ST3GAL3: variants seen among roughly 807,000 people sequenced by gnomAD.
ST3GAL3 encodes CMP-N-acetylneuraminate-beta-1,4-galactoside alpha-2,3-sialyltransferase.
A neutral mutation model predicts 50.1 loss-of-function variants in ST3GAL3; 21 were observed. The observed-to-expected ratio is 0.42, with a 90% CI of 0.30 to 0.60. ST3GAL3 has a LOEUF of 0.60. Ranked by LOEUF, ST3GAL3 falls within the 20% of genes least tolerant of loss-of-function variation. The probability of loss-of-function intolerance (pLI) is 0.19; values close to 1 mark genes in which losing one functional copy is unlikely to be tolerated. For missense variants in ST3GAL3, 353 were observed against 489.4 expected (o/e 0.72, Z 2.63); for synonymous variants, 183 against 190.0 (o/e 0.96, Z 0.30).
intron 1 of ST3GAL3, among the ~76,000 whole-genome samples, chr1:43,714,959 G>A (rs1666650776): frequency 6.6e-6 from 1 of 152,090 alleles, no homozygotes; most frequent in African/African-American, 2.4e-5. Flanking sequence ...GTCATCTACT[G>A]CCTTGGCCCA....
intron 2 of ST3GAL3, 123 bp downstream of exon 2, chr1:43,736,503 G>A: frequency 6.3e-7 from 1 of 1,582,260 alleles, no homozygotes; most frequent in Non-Finnish European, 8.7e-7. Flanking sequence ...AACATTTCTG[G>A]GACTTTGGCC....
At chr1:43,858,334 C>T in intron 5 of ST3GAL3, 1 of 1,250,456 alleles carries the variant, frequency 8.0e-7, no homozygotes, top group Non-Finnish European at 1.0e-6. Flanking sequence ...CAAGACCAGA[C>T]ACACTGGTGG....
intron 1 of ST3GAL3, among the ~76,000 whole-genome samples, chr1:43,710,073 C>T (rs1323507679): frequency 6.6e-6 from 1 of 152,046 alleles, no homozygotes; most frequent in African/African-American, 2.4e-5. Flanking sequence ...TACTTCCACA[C>T]TGTTTCTGGC....
chr1:43,850,570 T>A, intron 5 of ST3GAL3: 1 of 729,852 alleles, frequency 1.4e-6, no homozygotes, highest in Non-Finnish European at 2.5e-6. Flanking sequence ...AGAGTGTTTC[T>A]ATCATCTGGG....
At chr1:43,894,915 C>T (rs2077182171) in intron 6 of ST3GAL3, among the ~76,000 whole-genome samples, 1 of 152,192 alleles carries the variant, frequency 6.6e-6, no homozygotes, top group African/African-American at 2.4e-5. Flanking sequence ...AGCCACCATG[C>T]CCGGCTTCTT....
intron 3 of ST3GAL3, among the ~76,000 whole-genome samples, chr1:43,798,116 C>T (rs975148701): frequency 6.6e-6 from 1 of 152,112 alleles, no homozygotes; most frequent in Non-Finnish European, 1.5e-5. Context: ...GGCTGCAAAC[C>T]TAGAATCACC....
chr1:43,851,806 C>T (rs897281354), intron 5 of ST3GAL3, among the ~76,000 whole-genome samples: 2 of 152,154 alleles, frequency 1.3e-5, no homozygotes, highest in African/African-American at 4.8e-5. Context: ...GCCACCAGTG[C>T]CACCAGAGTC....
intron 1 of ST3GAL3, among the ~76,000 whole-genome samples, chr1:43,730,622 G>T (rs146554281): frequency 1.4e-5 from 2 of 147,192 alleles, no homozygotes; most frequent in East Asian, 3.9e-4. Flanking sequence ...CCAGGCGGGG[G>T]TGTAGTGATG....
chr1:43,904,918 C>T (rs371655870), intron 9 of ST3GAL3, among the ~76,000 whole-genome samples: 1,053 of 6,932 alleles, frequency 0.15, no homozygotes, highest in Non-Finnish European at 0.19. Context: ...TGCTCCTCTT[C>T]CCGCCACTCT....
At chr1:43,897,263 A>G (rs145271112) in intron 6 of ST3GAL3, among the ~76,000 whole-genome samples, 1 of 152,100 alleles carries the variant, frequency 6.6e-6, no homozygotes, top group Non-Finnish European at 1.5e-5. Flanking sequence ...TGGTTATTTG[A>G]TGTTATTAAG....
chr1:43,851,648 C>A, intron 5 of ST3GAL3: 1 of 1,281,844 alleles, frequency 7.8e-7, no homozygotes, highest in Non-Finnish European at 1.1e-6. Flanking sequence ...CTCAACATCG[C>A]TGTCTTTGAG....
intron 11 of ST3GAL3, among the ~76,000 whole-genome samples, chr1:43,926,920 C>T (rs1571656105): frequency 6.6e-6 from 1 of 152,166 alleles, no homozygotes; most frequent in East Asian, 1.9e-4. Context: ...GTTCCTGCCC[C>T]CCACCTTCCA....
intron 5 of ST3GAL3, among the ~76,000 whole-genome samples, chr1:43,886,111 T>C (rs182903434): frequency 4.6e-5 from 7 of 152,352 alleles, no homozygotes; most frequent in Non-Finnish European, 7.3e-5. Context: ...CCGGGTGCAG[T>C]GGCTCATGCC....
chr1:43,794,528 C>T (rs2058469249), intron 3 of ST3GAL3, among the ~76,000 whole-genome samples: 1 of 152,202 alleles, frequency 6.6e-6, no homozygotes, highest in African/African-American at 2.4e-5. Flanking sequence ...TGGATATACA[C>T]ATACCTGGTG....
At chr1:43,815,174 A>G (rs1469338064) in intron 4 of ST3GAL3, among the ~76,000 whole-genome samples, 2 of 152,168 alleles carry the variant, frequency 1.3e-5, no homozygotes, top group African/African-American at 2.4e-5. Flanking sequence ...TCATTATAGA[A>G]GGAGGCCACT....
intron 3 of ST3GAL3, among the ~76,000 whole-genome samples, chr1:43,807,774 A>C (rs1471917198): frequency 1.3e-5 from 2 of 152,228 alleles, no homozygotes; most frequent in African/African-American, 4.8e-5. Flanking sequence ...TGGAATTAAA[A>C]GGTCATAGTA....
chr1:43,738,503 G>GTT (rs571604376), intron 2 of ST3GAL3: 5 of 140,238 alleles, frequency 3.6e-5, no homozygotes, highest in Non-Finnish European at 6.3e-5. Context: ...TTTTTTTTTT[G>GTT]TTTTTTTTTT....
rs1054924022 is a variant in ST3GAL3 at position 43,744,320 on chromosome 1, G to T, written c.118+7940G>T. ...GCTGGAGTACAGTGGAGTGATTTTA[G>T]CTCACTACGACCTCCACCTCCTGGG... On this transcript the variant is annotated intron_variant, in intron 2 of 11. Transcript: ENST00000347631. Among the ~76,000 whole-genome samples the T allele has an allele frequency of 5.9e-5, 9 of 151,762 alleles. No individual in the cohort carries two copies. In the South Asian group the frequency reaches 6.2e-4, roughly 10 times the overall value.
rs1330336523 is a variant in ST3GAL3 at position 43,875,944 on chromosome 1, CTTCTTCTTA to C, written c.303-18436_303-18428del. Among the ~76,000 whole-genome samples the C allele has an allele frequency of 8.3e-3, 409 of 49,026 alleles. 6 individuals are homozygous for C. Among genetic ancestry groups the C allele is most frequent in the Non-Finnish European group, 0.011 (229 of 21,386 alleles). The allele number at this position is 49,026 out of a possible 152,430, so 32.2% of individuals were successfully genotyped here. A position where few individuals can be genotyped will look rare whatever the true frequency, so the allele number is the denominator to read the frequency against. On this transcript the variant is annotated intron_variant, in intron 5 of 11. Transcript: ENST00000347631. ...TCTTCTTCTTCTTCTTCTTCTTCTT[CTTCTTCTTA>C]TTATTATTATTATTATTATTATTAT...
Sources: allele counts gnomAD v4.1 joint callset (sites outside exome capture counted in the v4.1 genomes callset), GRCh38; gene constraint gnomAD v4.1.1; transcripts MANE v1.5; gene names NCBI Gene and HGNC (gene_info 2026-07-23, HGNC 2026-07-21).